CBFA2T3: variants seen among roughly 807,000 people sequenced by gnomAD.
The protein encoded by CBFA2T3 is CBFA2/RUNX1 partner transcriptional co-repressor 3.
In CBFA2T3, 31 loss-of-function variants were observed where a neutral mutation model predicts 58.6. That is an observed-to-expected ratio of 0.53 (90% CI 0.40 to 0.71). The LOEUF is 0.71. CBFA2T3 is among the 30% of genes least tolerant of loss of function. The pLI is 0.00. For synonymous variants in CBFA2T3, 531 were observed against 421.9 expected, an observed-to-expected ratio of 1.26 and a Z score of -3.17; for missense variants, 1,076 against 963.1, an observed-to-expected ratio of 1.12 and a Z score of -1.55.
Position 88,875,676 on chromosome 16 carries a change from C to T in CBFA2T3, c.*1300G>A, listed in dbSNP as rs761039045. 2.6e-5 allele frequency: 6 copies of T among 233,446 alleles called. No homozygotes were observed. Among genetic ancestry groups the T allele is most frequent in the Admixed American group, 5.6e-5 (1 of 17,762 alleles). 14.5% of individuals were successfully genotyped at this position (233,446 alleles called of 1,614,324 possible). ...CGGAGAGGAGAGAGGTAGAGGAGGA[C>T]GGGCTGGCCGAGAAGCAGTGTTTCA... On this transcript the variant is annotated 3_prime_UTR_variant, in exon 12 of 12. Coordinates refer to ENST00000268679, the MANE Select transcript of CBFA2T3 (RefSeq NM_005187.6).
At chr16:88,923,700 C>T (rs889624957) in intron 1 of CBFA2T3, among the ~76,000 whole-genome samples, 10 of 152,212 alleles carry the variant, frequency 6.6e-5, no homozygotes, top group African/African-American at 2.2e-4. Flanking sequence ...TCACACATGT[C>T]GCTCCTGCTG....
Position 88,877,173 on chromosome 16 carries a change from G to A in CBFA2T3, c.1765C>T (p.His589Tyr), listed in dbSNP as rs143812312. 6.4e-7 allele frequency: 1 copy of A among 1,552,882 alleles called. No homozygotes were observed. The highest frequency in any genetic ancestry group is 8.7e-7 in the Non-Finnish European group (1 of 1,148,740). Residue 589 changes from histidine to tyrosine, a missense_variant, in exon 12 of 12, where the codon CAC becomes TAC. His to Tyr is a moderately conservative substitution (Grantham distance 83). Transcript: ENST00000268679. Reference protein sequence around the residue: ...FCQHRDWEKHHHVCGQSLQGP... With the variant: ...FCQHRDWEKHYHVCGQSLQGP... ...TGCAGGCTCTGGCCACACACGTGGT[G>A]ATGCTTCTCCCAGTCCCGATGCTGG...
chr16:88,936,703 C>T (rs1324071130), intron 1 of CBFA2T3: 1 of 152,316 alleles, frequency 6.6e-6, no homozygotes, highest in Non-Finnish European at 1.5e-5. Flanking sequence ...CTTATTACGG[C>T]CAAATTCATC....
rs905186529 is a variant in CBFA2T3 at position 88,876,334 on chromosome 16, C to T, written c.*642G>A. ...CAAAAATGCATCTTGAGTCAGAAAT[C>T]GAAATCTTTCCTCCCGTCTTCGCTG... On this transcript the variant is annotated 3_prime_UTR_variant, in exon 12 of 12. Coordinates refer to ENST00000268679, the MANE Select transcript of CBFA2T3 (RefSeq NM_005187.6). 7 of 228,030 alleles carry T rather than the reference C, an allele frequency of 3.1e-5. No homozygotes were observed. The highest frequency in any genetic ancestry group is 4.4e-5 in the African/African-American group (2 of 45,016). The allele number at this position is 228,030 out of a possible 1,614,324, so 14.1% of individuals were successfully genotyped here.
intron 1 of CBFA2T3, among the ~76,000 whole-genome samples, chr16:88,932,922 T>C (rs1016245203): frequency 6.6e-6 from 1 of 150,682 alleles, no homozygotes; most frequent in Non-Finnish European, 1.5e-5. Flanking sequence ...TGAGCTGAGA[T>C]TGCGCCACTG....
intron 1 of CBFA2T3, among the ~76,000 whole-genome samples, chr16:88,912,798 C>A (rs1462413716): frequency 1.3e-5 from 2 of 152,190 alleles, no homozygotes; most frequent in East Asian, 3.8e-4. Flanking sequence ...CAGGACAGAG[C>A]CTGGGCTGGG....
intron 1 of CBFA2T3, among the ~76,000 whole-genome samples, chr16:88,925,976 C>T (rs999475116): frequency 1.3e-5 from 2 of 152,250 alleles, no homozygotes; most frequent in Admixed American, 6.5e-5. Context: ...CTGTCTCCCA[C>T]AGGCTGCAGC....
rs754628091 is a variant in CBFA2T3 at position 88,891,940 on chromosome 16, G to C, written c.653C>G (p.Ser218Cys). The change falls in exon 5 of 12, where the codon TCC (serine) becomes TGC (cysteine). Residue 218 changes from serine to cysteine, a missense_variant. By Grantham distance (112) the Ser-to-Cys change is moderately radical. Coordinates refer to ENST00000268679, the MANE Select transcript of CBFA2T3 (RefSeq NM_005187.6). ...NSTLTIEEFH[S>C]KLQEATNFPL... ...GAAGTTGGTGGCCTCCTGAAGCTTG[G>C]AATGAAACTCCTCGATCGTCAATGT... 6.2e-7 allele frequency: 1 copy of C among 1,613,394 alleles called. No individual in the cohort carries two copies. Among genetic ancestry groups the C allele is most frequent in the Non-Finnish European group, 8.5e-7 (1 of 1,179,840 alleles).
intron 1 of CBFA2T3, among the ~76,000 whole-genome samples, chr16:88,932,263 C>T (rs1256317250): frequency 1.4e-5 from 2 of 148,022 alleles, no homozygotes; most frequent in Admixed American, 1.3e-4. Context: ...ACGGCCCCCA[C>T]TTCCCCATCC....
chr16:88,893,998 CTTCT>C (rs1028216542), intron 3 of CBFA2T3, among the ~76,000 whole-genome samples: 4 of 152,158 alleles, frequency 2.6e-5, no homozygotes, highest in African/African-American at 9.7e-5. Flanking sequence ...TGGCCAGCTC[CTTCT>C]GTCAGGAGGA....
At chr16:88,954,539 G>A (rs1369015585) in intron 1 of CBFA2T3, among the ~76,000 whole-genome samples, 1 of 105,004 alleles carries the variant, frequency 9.5e-6, no homozygotes, top group Non-Finnish European at 1.9e-5. Flanking sequence ...TCCACCCAAG[G>A]CTCCTGACCT....
Position 88,964,468 on chromosome 16 carries a change from CTTG to C in CBFA2T3, c.151+12186_151+12188del, listed in dbSNP as rs779983443. On this transcript the variant is annotated intron_variant, in intron 1 of 11. Coordinates refer to ENST00000268679, the MANE Select transcript of CBFA2T3 (RefSeq NM_005187.6). ...CAGAAAACTGACAAGTTGCAAGCTA[CTTG>C]TTGTTCTGAAGAAAGATTGCACTTC... Among the ~76,000 whole-genome samples, 37 of 152,314 alleles carry C rather than the reference CTTG, an allele frequency of 2.4e-4. 2 individuals are homozygous for C. The highest frequency in any genetic ancestry group is 1.6e-3 in the Admixed American group (25 of 15,304).
intron 1 of CBFA2T3, among the ~76,000 whole-genome samples, chr16:88,910,120 C>T (rs976427589): frequency 1.6e-4 from 24 of 152,368 alleles, no homozygotes; most frequent in African/African-American, 4.3e-4. Context: ...ACCCCACACC[C>T]GCCTGTGCTG....
At chr16:88,908,220 T>C (rs1225174774) in intron 1 of CBFA2T3, among the ~76,000 whole-genome samples, 2 of 151,856 alleles carry the variant, frequency 1.3e-5, no homozygotes, top group Non-Finnish European at 2.9e-5. Context: ...TGCGTGCCTA[T>C]AATCCCAGCT....
At chr16:88,881,190 T>C (rs1030389311) in intron 9 of CBFA2T3, 101 bp downstream of exon 9, 28 of 1,056,738 alleles carry the variant, frequency 2.6e-5, no homozygotes, top group Non-Finnish European at 3.5e-5. Context: ...GCGAAACTGT[T>C]CTGCCTGGTG....
intron 3 of CBFA2T3, among the ~76,000 whole-genome samples, chr16:88,895,791 C>T (rs141375780): frequency 2.3e-4 from 35 of 152,300 alleles, no homozygotes; most frequent in South Asian, 6.2e-4. Context: ...CAGACAGACA[C>T]GGCCCTGCCC....
At chr16:88,889,503 C>T (rs1165489516) in intron 5 of CBFA2T3, among the ~76,000 whole-genome samples, 2 of 151,890 alleles carry the variant, frequency 1.3e-5, no homozygotes, top group African/African-American at 4.8e-5. Context: ...CTGTAAGTGC[C>T]CTGGGACGAC....
At chr16:88,894,536 TGCACAC>T (rs1453459815) in intron 3 of CBFA2T3, among the ~76,000 whole-genome samples, 1 of 127,420 alleles carries the variant, frequency 7.8e-6, no homozygotes, top group East Asian at 3.0e-4. Flanking sequence ...CATATACACA[TGCACAC>T]AATGTACACA....
chr16:88,960,520 T>G (rs1315662852), intron 1 of CBFA2T3, among the ~76,000 whole-genome samples: 1 of 152,150 alleles, frequency 6.6e-6, no homozygotes, highest in African/African-American at 2.4e-5. Flanking sequence ...GTCGGCTGAG[T>G]GAGGCCTCCA....
Sources: gnomAD v4.1 joint callset for allele counts (sites outside exome capture counted in the v4.1 genomes callset) on GRCh38, gnomAD v4.1.1 for gene constraint, MANE v1.5 for transcripts, NCBI Gene and HGNC (gene_info 2026-07-23, HGNC 2026-07-21) for gene names.